Variants in APBA1 observed in about 807,000 individuals in gnomAD.
APBA1 encodes the protein amyloid beta precursor protein binding family A member 1, also known as amyloid-beta A4 precursor protein-binding family A member 1.
In APBA1, 55 loss-of-function variants were observed where a neutral mutation model predicts 86.6. That is an observed-to-expected ratio of 0.64 (90% CI 0.51 to 0.80). The LOEUF is 0.80. Among genes scored for constraint, APBA1 ranks in the 30% least tolerant of loss-of-function variants. The pLI is 0.00. For missense variants in APBA1, 1,090 were observed against 1,183.0 expected, an observed-to-expected ratio of 0.92 and a Z score of 1.15; for synonymous variants, 511 against 493.9, an observed-to-expected ratio of 1.03 and a Z score of -0.46.
chr9:69,456,353 C>T lies in APBA1; in HGVS notation c.1682G>A (p.Arg561Gln), dbSNP rs370688256. 5.9e-5 allele frequency: 95 copies of T among 1,613,980 alleles called. No individual in the cohort carries two copies. Among genetic ancestry groups the T allele is most frequent in the Non-Finnish European group, 7.0e-5 (83 of 1,179,998 alleles). ...CTGGGAGTTGGAGCGAGGCATCCGC[C>T]GGCGGGCCATCAGCACAACGATGTT... The part of the protein sequence containing the change: ...IGNIVVLMAR[R>Q]RMPRSNSQEN... Residue 561 changes from arginine to glutamine, a missense_variant, in exon 8 of 13, where the codon CGG becomes CAG. Physicochemically the swap from Arg to Gln is conservative, Grantham distance 43. Coordinates refer to ENST00000265381, the MANE Select transcript of APBA1 (RefSeq NM_001163.4).
chr9:69,633,428 C>T (rs1036611958), intron 1 of APBA1, among the ~76,000 whole-genome samples: 1 of 152,118 alleles, frequency 6.6e-6, no homozygotes, highest in African/African-American at 2.4e-5. Flanking sequence ...GCAGTTGAGC[C>T]AGAAGGCTGA....
chr9:69,468,808 T>C (rs1835321645), intron 4 of APBA1, among the ~76,000 whole-genome samples: 1 of 152,220 alleles, frequency 6.6e-6, no homozygotes, highest in African/African-American at 2.4e-5. Context: ...TATAACTGTA[T>C]AACAGTCTAC....
At chr9:69,535,628 T>G (rs1394480033) in intron 1 of APBA1, among the ~76,000 whole-genome samples, 1 of 152,170 alleles carries the variant, frequency 6.6e-6, no homozygotes, top group Non-Finnish European at 1.5e-5. Context: ...CTCCTACTGG[T>G]CAGATGTCAG....
At chr9:69,594,356 C>A (rs1405089612) in intron 1 of APBA1, among the ~76,000 whole-genome samples, 1 of 152,176 alleles carries the variant, frequency 6.6e-6, no homozygotes, top group East Asian at 1.9e-4. Context: ...GACAAGGAAC[C>A]AGGTTGTTTA....
At chr9:69,476,014 G>T in intron 3 of APBA1, 34 bp downstream of exon 3, 1 of 1,564,818 alleles carries the variant, frequency 6.4e-7, no homozygotes, top group Non-Finnish European at 8.8e-7. Flanking sequence ...AAGCAAAATG[G>T]CCCAATGGCT....
intron 2 of APBA1, among the ~76,000 whole-genome samples, chr9:69,515,678 T>G (rs1317471139): frequency 8.9e-6 from 1 of 112,750 alleles, no homozygotes; most frequent in African/African-American, 3.4e-5. Flanking sequence ...CCATACTTTC[T>G]GAATCAGAAA....
intron 1 of APBA1, among the ~76,000 whole-genome samples, chr9:69,578,350 C>T (rs893205726): frequency 6.6e-6 from 1 of 152,154 alleles, no homozygotes; most frequent in African/African-American, 2.4e-5. Flanking sequence ...TGTGAGCATG[C>T]GCTGATAGGT....
intron 1 of APBA1, among the ~76,000 whole-genome samples, chr9:69,577,870 G>A (rs1279514322): frequency 2.6e-5 from 4 of 152,030 alleles, no homozygotes; most frequent in African/African-American, 9.7e-5. Context: ...TAGCACAGCT[G>A]GAATTCACCT....
At chr9:69,661,900 C>T (rs183510663) in intron 1 of APBA1, among the ~76,000 whole-genome samples, 1 of 152,126 alleles carries the variant, frequency 6.6e-6, no homozygotes, top group African/African-American at 2.4e-5. Flanking sequence ...CCAGATGCAG[C>T]TGCCTGGTCT....
chr9:69,523,121 G>C (rs1836279340), intron 1 of APBA1, among the ~76,000 whole-genome samples: 3 of 152,130 alleles, frequency 2.0e-5, no homozygotes, highest in Admixed American at 2.0e-4. Flanking sequence ...AAATAGAATA[G>C]TTCATGATTC....
At chr9:69,461,519 C>T (rs1338260672) in intron 5 of APBA1, 1 of 152,160 alleles carries the variant, frequency 6.6e-6, no homozygotes, top group Non-Finnish European at 1.5e-5. Flanking sequence ...AGTGTAAAAG[C>T]TTACAACACC....
Position 69,565,066 on chromosome 9 carries a change from G to T in APBA1, c.-69-47787C>A, listed in dbSNP as rs373806934. 1.3e-4 allele frequency among the ~76,000 whole-genome samples: 20 copies of T among 152,266 alleles called. No individual in the cohort carries two copies. The East Asian group carries it at 1.7e-3, about 13-fold the overall frequency. On this transcript the variant is annotated intron_variant, in intron 1 of 12. Transcript: ENST00000265381. ...TTTGTTGCTCCTCATATAAGCAAGGGCATAAAGCTAAGAGAAGAAAATGTT... is the reference window on the plus strand; with the variant it reads ...TTTGTTGCTCCTCATATAAGCAAGGTCATAAAGCTAAGAGAAGAAAATGTT...
At chr9:69,523,530 T>G (rs1173998584) in intron 1 of APBA1, among the ~76,000 whole-genome samples, 2,369 of 56,404 alleles carry the variant, frequency 0.042, 88 homozygotes, top group African/African-American at 0.11. Flanking sequence ...TATATATATA[T>G]ATAGACACAC....
intron 1 of APBA1, among the ~76,000 whole-genome samples, chr9:69,532,091 GT>G (rs11297125): frequency 0.23 from 34,328 of 151,978 alleles, 4,025 homozygotes; most frequent in African/African-American, 0.29. Context: ...GGTGATAATG[GT>G]TTATCAATAG....
intron 2 of APBA1, among the ~76,000 whole-genome samples, chr9:69,498,929 C>T (rs1439262874): frequency 6.6e-6 from 1 of 152,128 alleles, no homozygotes; most frequent in Non-Finnish European, 1.5e-5. Context: ...CACATTTATA[C>T]CTCTGATACC....
At position 69,516,359 on chromosome 9, in the gene APBA1, C is replaced by T. The variant is rs775369684; in HGVS notation, c.852G>A (p.Gln284=). ...TGTCCTCGGCTGCCTTGTCGAGGCT[C>T]TGCGAGCTCATGCTCTGCTTCACCT... is the stretch of plus-strand genomic sequence containing the variant. ...VAEVKQSMSS[Q]SLDKAAEDMP... Residue 284 remains glutamine (Q), a synonymous_variant, in exon 2 of 13, where the codon CAG becomes CAA. Coordinates refer to ENST00000265381, the MANE Select transcript of APBA1 (RefSeq NM_001163.4). The surrounding 1 kb of genome is among the most constrained non-coding windows in gnomAD (Gnocchi z 7.3). 17 of 1,600,286 alleles carry T rather than the reference C, an allele frequency of 1.1e-5. No individual in the cohort carries two copies. In the East Asian group the frequency reaches 3.8e-4, roughly 36 times the overall value.
chr9:69,439,469 G>C (rs575042751), intron 11 of APBA1, among the ~76,000 whole-genome samples: 27 of 152,266 alleles, frequency 1.8e-4, no homozygotes, highest in African/African-American at 6.3e-4. Flanking sequence ...TGGAGGCTTT[G>C]TTCCTATCTA....
intron 4 of APBA1, among the ~76,000 whole-genome samples, chr9:69,470,260 CAA>C (rs1835346180): frequency 6.6e-6 from 1 of 152,114 alleles, no homozygotes; most frequent in Non-Finnish European, 1.5e-5. Context: ...TATATTCTTA[CAA>C]AGTTAAAAAA....
intron 1 of APBA1, among the ~76,000 whole-genome samples, chr9:69,533,197 T>C (rs753023502): frequency 2.8e-4 from 43 of 152,164 alleles, no homozygotes; most frequent in Non-Finnish European, 5.9e-5. Context: ...GATATATATG[T>C]ATTAAAATCT....
Sources: gnomAD v4.1 joint callset for allele counts (sites outside exome capture counted in the v4.1 genomes callset) on GRCh38, gnomAD v4.1.1 for gene constraint, Gnocchi (gnomAD v3.1) non-coding constraint, MANE v1.5 for transcripts, NCBI Gene and HGNC (gene_info 2026-07-23, HGNC 2026-07-21) for gene names.